Variants in LAMA2 observed in about 807,000 individuals in gnomAD.
The protein encoded by LAMA2 is laminin subunit alpha-2.
LAMA2 carries 269 observed loss-of-function variants against 364.8 expected under a neutral mutation model. That is an observed-to-expected ratio of 0.74 (90% CI 0.67 to 0.82). The LOEUF is 0.82. LAMA2 is among the 40% of genes least tolerant of loss of function. LAMA2 has a pLI of 0.00. For synonymous variants in LAMA2, 1,379 were observed against 1,370.6 expected (o/e 1.01, Z -0.14); for missense variants, 3,807 against 3,873.2 (o/e 0.98, Z 0.45).
intron 49 of LAMA2, 100 bp downstream of exon 49, chr6:129,460,424 A>G: frequency 2.0e-5 from 24 of 1,217,504 alleles, no homozygotes; most frequent in Non-Finnish European, 2.9e-5. Flanking sequence ...GATGTGGAGC[A>G]GGTTTGAAAG....
At chr6:129,151,883 A>G (rs867333751) in intron 7 of LAMA2, among the ~76,000 whole-genome samples, 2 of 152,070 alleles carry the variant, frequency 1.3e-5, no homozygotes, top group African/African-American at 2.4e-5. Flanking sequence ...CTTTCTGAAG[A>G]AAAAAAAGGA....
chr6:129,480,494 T>C (rs1274724109), intron 54 of LAMA2, among the ~76,000 whole-genome samples: 3 of 152,130 alleles, frequency 2.0e-5, no homozygotes, highest in Non-Finnish European at 4.4e-5. Flanking sequence ...AACATGTCTA[T>C]CAAGATTCAT....
intron 48 of LAMA2, 117 bp downstream of exon 48, chr6:129,456,611 G>A: frequency 1.0e-6 from 1 of 960,016 alleles, no homozygotes. Context: ...TACTTAACTT[G>A]CATTTATGAA....
At chr6:129,023,614 T>A (rs765934434) in intron 1 of LAMA2, among the ~76,000 whole-genome samples, 5 of 152,200 alleles carry the variant, frequency 3.3e-5, no homozygotes, top group African/African-American at 2.4e-5. Context: ...TGGATTACCA[T>A]TCTCATTGAT....
intron 18 of LAMA2, among the ~76,000 whole-genome samples, chr6:129,287,077 GGGAGGGAGGGAAGGAGGGAA>G (rs2114417640): frequency 6.9e-5 from 1 of 14,420 alleles, no homozygotes; most frequent in Non-Finnish European, 1.8e-4. Context: ...GGAGGAAAGA[GGGAGGGAGGGAAGGAGGGAA>G]GGAGGGAGGA....
At chr6:129,466,620 T>A (rs1419664531) in intron 51 of LAMA2, among the ~76,000 whole-genome samples, 1 of 151,962 alleles carries the variant, frequency 6.6e-6, no homozygotes. Flanking sequence ...AGTTGTTCAG[T>A]AAGAAGAATG....
chr6:129,217,679 A>G (rs1783514065), intron 12 of LAMA2, among the ~76,000 whole-genome samples: 3 of 152,230 alleles, frequency 2.0e-5, no homozygotes, highest in African/African-American at 7.2e-5. Flanking sequence ...TGTGGTTAAG[A>G]TATCCTATCT....
At chr6:129,051,655 C>G (rs867835743) in intron 2 of LAMA2, among the ~76,000 whole-genome samples, 5 of 143,098 alleles carry the variant, frequency 3.5e-5, no homozygotes, top group African/African-American at 1.0e-4. Flanking sequence ...ATATATTTTA[C>G]ATATCTATAG....
intron 29 of LAMA2, among the ~76,000 whole-genome samples, chr6:129,338,938 A>T (rs528604318): frequency 7.6e-6 from 1 of 130,890 alleles, no homozygotes; most frequent in East Asian, 2.7e-4. Context: ...CTACAGCTAC[A>T]TATGGAGGGG....
chr6:129,420,792 G>C (rs1243477429), intron 40 of LAMA2, among the ~76,000 whole-genome samples: 3 of 152,104 alleles, frequency 2.0e-5, no homozygotes, highest in African/African-American at 7.2e-5. Context: ...GTACAGGTTA[G>C]TCAGCCTGAT....
chr6:129,172,422 C>G (rs374519301), intron 9 of LAMA2, among the ~76,000 whole-genome samples: 138 of 152,002 alleles, frequency 9.1e-4, no homozygotes, highest in East Asian at 1.8e-3. Flanking sequence ...AGGTCTGTTG[C>G]AATACCCTGC....
Position 129,401,028 on chromosome 6 carries a change from A to G in LAMA2, c.5446-196A>G, listed in dbSNP as rs370320970. On this transcript the variant is annotated intron_variant, in intron 37 of 64. Coordinates refer to ENST00000421865, the MANE Select transcript of LAMA2 (RefSeq NM_000426.4). ...TTTCTCACAATGAGAAGAAGAAATA[A>G]CCTGTACAAGCCTCTACATAGAAGA... Among the ~76,000 whole-genome samples the G allele has an allele frequency of 8.5e-5, 13 of 152,100 alleles. No homozygotes were observed. The South Asian group carries it at 1.9e-3, about 22-fold the overall frequency.
At chr6:129,309,607 C>T (rs1026514234) in intron 22 of LAMA2, among the ~76,000 whole-genome samples, 1 of 152,138 alleles carries the variant, frequency 6.6e-6, no homozygotes, top group Non-Finnish European at 1.5e-5. Context: ...TTAATACATA[C>T]TCAAAGCAGT....
rs1774322467 is a variant in LAMA2, at chr6:129,312,947, T to C, written c.3261T>C (p.Gly1087=). The C allele has an allele frequency of 1.2e-6, 2 of 1,614,198 alleles. No homozygotes were observed. The highest frequency in any genetic ancestry group is 1.3e-5 in the African/African-American group (1 of 75,048). The part of the protein sequence containing the change: ...GQCNCHPKFS[G]AKCTECSRGH... ...GCAACTGTCATCCAAAATTCTCTGG[T>C]GCAAAATGTACAGAGTGCAGTCGAG... is the stretch of plus-strand genomic sequence containing the variant. Residue 1087 remains glycine (G), a synonymous_variant, in exon 23 of 65, where the codon GGT becomes GGC. Coordinates refer to ENST00000421865, the MANE Select transcript of LAMA2 (RefSeq NM_000426.4).
intron 1 of LAMA2, among the ~76,000 whole-genome samples, chr6:129,020,551 G>T (rs1785388691): frequency 6.6e-6 from 1 of 152,156 alleles, no homozygotes; most frequent in Non-Finnish European, 1.5e-5. Flanking sequence ...TGTGAGGAGA[G>T]GAACTGCATG....
intron 21 of LAMA2, among the ~76,000 whole-genome samples, chr6:129,300,349 A>ACAG (rs1466684225): frequency 6.6e-6 from 1 of 152,210 alleles, no homozygotes; most frequent in Non-Finnish European, 1.5e-5. Flanking sequence ...ACTAATCCGT[A>ACAG]CAGCATAAAC....
At chr6:129,207,332 T>C (rs975266678) in intron 12 of LAMA2, among the ~76,000 whole-genome samples, 1 of 152,212 alleles carries the variant, frequency 6.6e-6, no homozygotes, top group African/African-American at 2.4e-5. Flanking sequence ...TTTACAATGT[T>C]TTAATTTCTC....
intron 18 of LAMA2, among the ~76,000 whole-genome samples, chr6:129,282,641 T>G (rs1209587043): frequency 6.6e-6 from 1 of 152,168 alleles, no homozygotes; most frequent in Non-Finnish European, 1.5e-5. Context: ...GACCTATCCC[T>G]TTTTCTCCGT....
At chr6:129,267,289 G>T in intron 16 of LAMA2, 70 bp downstream of exon 16, 1 of 1,033,852 alleles carries the variant, frequency 9.7e-7, no homozygotes, top group South Asian at 1.3e-5. Flanking sequence ...CTACAATTCA[G>T]CTACTACCCT....
Sources: gnomAD v4.1 joint callset for allele counts (sites outside exome capture counted in the v4.1 genomes callset) on GRCh38, gnomAD v4.1.1 for gene constraint, MANE v1.5 for transcripts, NCBI Gene and HGNC (gene_info 2026-07-23, HGNC 2026-07-21) for gene names.